The following NRCAM variants were observed in gnomAD, a reference collection of about 807,000 sequenced individuals.
The protein encoded by NRCAM is NgCAM-related cell adhesion molecule.
In NRCAM, 83 loss-of-function variants were observed where a neutral mutation model predicts 156.5. The ratio of observed to expected loss-of-function variants is 0.53; its 90% CI spans 0.44 to 0.64. NRCAM has a LOEUF of 0.64. NRCAM is among the 30% of genes least tolerant of loss of function. NRCAM has a pLI of 0.00. For synonymous variants in NRCAM, 538 were observed against 563.9 expected (o/e 0.95, Z 0.65); for missense variants, 1,417 against 1,597.3 (o/e 0.89, Z 1.92).
At chr7:108,326,008 A>T (rs2099064844) in intron 2 of NRCAM, among the ~76,000 whole-genome samples, 2 of 152,160 alleles carry the variant, frequency 1.3e-5, no homozygotes, top group Non-Finnish European at 2.9e-5. Flanking sequence ...TCAATCTTTA[A>T]ATCTTTAGAA....
chr7:108,374,489 C>G (rs933534329), intron 2 of NRCAM, among the ~76,000 whole-genome samples: 14 of 152,012 alleles, frequency 9.2e-5, no homozygotes, highest in Non-Finnish European at 2.1e-4. Context: ...TGTTCTGTTC[C>G]CAGAATGAAC....
chr7:108,362,059 G>A (rs572781694), intron 2 of NRCAM, among the ~76,000 whole-genome samples: 1 of 152,292 alleles, frequency 6.6e-6, no homozygotes, highest in South Asian at 2.1e-4. Context: ...CAACCCAGAT[G>A]TCTTTTAATA....
intron 11 of NRCAM, among the ~76,000 whole-genome samples, chr7:108,210,929 A>T (rs992454149): frequency 1.3e-5 from 2 of 152,228 alleles, no homozygotes; most frequent in African/African-American, 4.8e-5. Context: ...TCATCATGGC[A>T]GATGGGAGGC....
Position 108,232,484 on chromosome 7 carries a change from T to A in NRCAM, c.269A>T (p.Asp90Val), listed in dbSNP as rs2094449762. The change falls in exon 7 of 33, where the codon GAT (aspartate) becomes GTT (valine). Residue 90 changes from aspartate (D) to valine (V), a missense_variant. Asp to Val is a radical substitution (Grantham distance 152). Coordinates refer to ENST00000379028, the MANE Select transcript of NRCAM (RefSeq NM_001037132.4). ...WTRNGTHFDI[D>V]KDPLVTMKPG... Reference sequence around the variant, plus strand: ...CTTCATGGTGACCAGAGGGTCTTTATCGATGTCAAAATGAGTCCCATTACG... The same window carrying A: ...CTTCATGGTGACCAGAGGGTCTTTAACGATGTCAAAATGAGTCCCATTACG... 1 of 1,612,998 alleles carries A rather than the reference T, an allele frequency of 6.2e-7. No homozygotes were observed. The highest frequency in any genetic ancestry group is 8.5e-7 in the Non-Finnish European group (1 of 1,179,614).
chr7:108,308,616 C>T (rs945111227), intron 3 of NRCAM, among the ~76,000 whole-genome samples: 5 of 152,194 alleles, frequency 3.3e-5, no homozygotes. Flanking sequence ...GCCACAAAAA[C>T]ATAATGCCAC....
intron 7 of NRCAM, 60 bp from the exon 8 acceptor site, chr7:108,231,213 C>A: frequency 3.0e-6 from 4 of 1,325,208 alleles, no homozygotes; most frequent in South Asian, 1.5e-5. Flanking sequence ...AAAAAGAAAG[C>A]CCTACAAATA....
At chr7:108,247,580 AATT>A (rs879807285) in intron 3 of NRCAM, among the ~76,000 whole-genome samples, 11 of 130,506 alleles carry the variant, frequency 8.4e-5, no homozygotes, top group Non-Finnish European at 1.6e-4. Context: ...GTTTATGCTA[AATT>A]ATTTTAGCAT....
chr7:108,373,596 G>C (rs1184323455), intron 2 of NRCAM, among the ~76,000 whole-genome samples: 1 of 152,166 alleles, frequency 6.6e-6, no homozygotes, highest in Non-Finnish European at 1.5e-5. Context: ...ATCAGTTATG[G>C]TTGTTAGCAC....
intron 3 of NRCAM, among the ~76,000 whole-genome samples, chr7:108,244,538 G>A (rs1015094234): frequency 1.3e-5 from 2 of 152,174 alleles, no homozygotes; most frequent in Non-Finnish European, 2.9e-5. Context: ...TGGAGGAAAG[G>A]TTAGAGAGAA....
intron 2 of NRCAM, among the ~76,000 whole-genome samples, chr7:108,384,121 G>A (rs1468513526): frequency 6.6e-6 from 1 of 152,150 alleles, no homozygotes; most frequent in Non-Finnish European, 1.5e-5. Context: ...GGAGGAAGAA[G>A]CAGAAAAGAT....
intron 2 of NRCAM, among the ~76,000 whole-genome samples, chr7:108,348,158 C>T (rs944524056): frequency 6.6e-6 from 1 of 152,188 alleles, no homozygotes; most frequent in African/African-American, 2.4e-5. Flanking sequence ...ATCTCCTTTG[C>T]TGGGCAGGGA....
intron 2 of NRCAM, among the ~76,000 whole-genome samples, chr7:108,337,454 T>A (rs183104918): frequency 5.9e-5 from 9 of 152,138 alleles, no homozygotes; most frequent in Non-Finnish European, 1.3e-4. Flanking sequence ...CTGACTTCCA[T>A]CCCTCTGGAT....
At chr7:108,330,731 C>T (rs751565281) in intron 2 of NRCAM, among the ~76,000 whole-genome samples, 2 of 152,170 alleles carry the variant, frequency 1.3e-5, no homozygotes, top group Non-Finnish European at 2.9e-5. Flanking sequence ...AGCAATCACT[C>T]CTTTCACAAA....
At chr7:108,277,906 C>T (rs1312886756) in intron 3 of NRCAM, among the ~76,000 whole-genome samples, 2 of 152,080 alleles carry the variant, frequency 1.3e-5, no homozygotes, top group Non-Finnish European at 2.9e-5. Context: ...TGTTGGTGAC[C>T]TAGAGATGGG....
intron 3 of NRCAM, among the ~76,000 whole-genome samples, chr7:108,311,238 T>C (rs947767607): frequency 6.6e-6 from 1 of 152,230 alleles, no homozygotes; most frequent in African/African-American, 2.4e-5. Context: ...CTGATACTAG[T>C]ATTGTACTGG....
chr7:108,223,903 C>A, intron 10 of NRCAM, 67 bp from the exon 11 acceptor site: 1 of 782,952 alleles, frequency 1.3e-6, no homozygotes, highest in South Asian at 1.5e-5. Context: ...ACTTCATTGT[C>A]AAAAAAGCTG....
rs959775248 is a variant in NRCAM at position 108,148,786 on chromosome 7, T to C, written c.*1124A>G. 3.3e-5 allele frequency: 5 copies of C among 152,548 alleles called. No homozygotes were observed. The highest frequency in any genetic ancestry group is 7.2e-5 in the African/African-American group (3 of 41,460). The allele number at this position is 152,548 out of a possible 1,614,324, so 9.4% of individuals were successfully genotyped here. ...TAGTTTTAAAATTAATTTTCTAGCATGTTGACATCTTTCTTACTGAATGTA... is the reference window on the plus strand; with the variant it reads ...TAGTTTTAAAATTAATTTTCTAGCACGTTGACATCTTTCTTACTGAATGTA... On this transcript the variant is annotated 3_prime_UTR_variant, in exon 33 of 33. Coordinates refer to ENST00000379028, the MANE Select transcript of NRCAM (RefSeq NM_001037132.4).
At chr7:108,427,740 A>C (rs1819185122) in intron 1 of NRCAM, among the ~76,000 whole-genome samples, 1 of 152,228 alleles carries the variant, frequency 6.6e-6, no homozygotes, top group Non-Finnish European at 1.5e-5. Flanking sequence ...AAATCTTGCC[A>C]ATTCTTTGTC....
chr7:108,226,471 G>A, intron 8 of NRCAM, 93 bp from the exon 9 acceptor site: 2 of 768,016 alleles, frequency 2.6e-6, no homozygotes, highest in Non-Finnish European at 2.1e-6. Flanking sequence ...ATAGGTCTGT[G>A]AACTTCATTT....
Sources: gnomAD v4.1 joint callset for allele counts (sites outside exome capture counted in the v4.1 genomes callset) on GRCh38, gnomAD v4.1.1 for gene constraint, MANE v1.5 for transcripts, NCBI Gene and HGNC (gene_info 2026-07-23, HGNC 2026-07-21) for gene names.